The following ZC3H12C variants were observed in gnomAD, a reference collection of about 807,000 sequenced individuals.
ZC3H12C encodes the protein probable ribonuclease ZC3H12C.
Under a neutral mutation model 76.3 loss-of-function variants are expected in ZC3H12C, and 20 were observed. The observed-to-expected ratio is 0.26, with a 90% CI of 0.18 to 0.38. The LOEUF (loss-of-function observed/expected upper bound fraction) is 0.38. Among genes scored for constraint, ZC3H12C ranks in the 10% least tolerant of loss-of-function variants. ZC3H12C has a pLI of 1.00. For missense variants in ZC3H12C, 874 were observed against 1,086.5 expected, an observed-to-expected ratio of 0.80 and a Z score of 2.75; for synonymous variants, 352 against 399.6, an observed-to-expected ratio of 0.88 and a Z score of 1.42.
intron 3 of ZC3H12C, among the ~76,000 whole-genome samples, chr11:110,154,425 A>G (rs1023337280): frequency 6.6e-6 from 1 of 152,186 alleles, no homozygotes. Flanking sequence ...TGTTAAATTA[A>G]CATAAGAATG....
intron 1 of ZC3H12C, among the ~76,000 whole-genome samples, chr11:110,114,490 G>A (rs756800206): frequency 1.8e-4 from 28 of 152,174 alleles, no homozygotes; most frequent in Middle Eastern, 3.4e-3. Flanking sequence ...TGTAACCTCC[G>A]TCTTTAACTA....
intron 2 of ZC3H12C, among the ~76,000 whole-genome samples, chr11:110,147,501 G>C (rs890370916): frequency 6.6e-6 from 1 of 151,786 alleles, no homozygotes; most frequent in Non-Finnish European, 1.5e-5. Flanking sequence ...CCTAATGCTC[G>C]CGGGGCTTAA....
chr11:110,098,329 T>C (rs1433987763), intron 1 of ZC3H12C, among the ~76,000 whole-genome samples: 1 of 152,222 alleles, frequency 6.6e-6, no homozygotes. Flanking sequence ...GTACAATGTG[T>C]TTCTGTCTTA....
chr11:110,128,889 C>CAAAAAAAAAAAAAAAAAAAAAA (rs145436449), intron 1 of ZC3H12C, among the ~76,000 whole-genome samples: 1 of 94,172 alleles, frequency 1.1e-5, no homozygotes, highest in African/African-American at 3.7e-5. Context: ...CCACCACTAA[C>CAAAAAAAAAAAAAAAAAAAAAA]AAAAAAAAAA....
chr11:110,169,605 A>G lies in ZC3H12C; in HGVS notation c.*3868A>G, dbSNP rs1862640804. On this transcript the variant is annotated 3_prime_UTR_variant, in exon 6 of 6. Coordinates refer to ENST00000278590, the MANE Select transcript of ZC3H12C (RefSeq NM_033390.2). ...GAAATCAAACAGATTCTGGCTGGACATATGCTTATGTTCCAAATATATTAA... is the reference window on the plus strand; with the variant it reads ...GAAATCAAACAGATTCTGGCTGGACGTATGCTTATGTTCCAAATATATTAA... The G allele has an allele frequency of 6.6e-6, 1 of 152,206 alleles. No individual in the cohort carries two copies. The highest frequency in any genetic ancestry group is 6.5e-5 in the Admixed American group (1 of 15,274). The allele number at this position is 152,206 out of a possible 1,614,324, so 9.4% of individuals were successfully genotyped here. A position where few individuals can be genotyped will look rare whatever the true frequency, so the allele number is the denominator to read the frequency against.
At chr11:110,107,198 C>T (rs1861345195) in intron 1 of ZC3H12C, among the ~76,000 whole-genome samples, 1 of 152,160 alleles carries the variant, frequency 6.6e-6, no homozygotes, top group South Asian at 2.1e-4. Flanking sequence ...TTGAATTGAA[C>T]ATATTGTTAA....
In ZC3H12C at chr11:110,165,264, TCTC is replaced by T. The variant is rs1237553949; in HGVS notation, c.2184_2186del (p.Pro729del). ...GTCCAGCTGTCCTGGCGACTACCCC[TCTC>T]CTCCAAGTTCAGCACACTCTAAGGC... is the stretch of plus-strand genomic sequence containing the variant. On this transcript the variant is annotated inframe_deletion, in exon 6 of 6. Coordinates refer to ENST00000278590, the MANE Select transcript of ZC3H12C (RefSeq NM_033390.2). The T allele has an allele frequency of 1.4e-5, 22 of 1,613,854 alleles. No homozygotes were observed. The highest frequency in any genetic ancestry group is 1.9e-5 in the Non-Finnish European group (22 of 1,179,864).
chr11:110,164,595 G>C lies in ZC3H12C; in HGVS notation c.1510G>C (p.Glu504Gln). 1 of 1,613,998 alleles carries C rather than the reference G, an allele frequency of 6.2e-7. No individual in the cohort carries two copies. The highest frequency in any genetic ancestry group is 8.5e-7 in the Non-Finnish European group (1 of 1,179,890). The stretch of plus-strand genomic sequence containing the variant: ...AAGGACACAAGTCTACCAAGACCTA[G>C]AAGAAAAGCTTCCCACCAAAAACAA... Reference protein sequence around the residue: ...SIRTQVYQDLEEKLPTKNKLE... With the variant: ...SIRTQVYQDLQEKLPTKNKLE... Residue 504 changes from glutamate (E) to glutamine (Q), a missense_variant, in exon 6 of 6, where the codon GAA becomes CAA. Around this residue, in one of 3 missense-constraint regions of ZC3H12C, gnomAD observed 269 missense variants for 424.9 expected, o/e 0.63. Coordinates refer to ENST00000278590, the MANE Select transcript of ZC3H12C (RefSeq NM_033390.2). The surrounding 1 kb of genome is among the most constrained non-coding windows in gnomAD (Gnocchi z 5.7).
intron 2 of ZC3H12C, among the ~76,000 whole-genome samples, chr11:110,150,139 A>G (rs1262936514): frequency 2.6e-5 from 4 of 151,960 alleles, no homozygotes; most frequent in Non-Finnish European, 4.4e-5. Flanking sequence ...TTGTAATGTC[A>G]CCTTATTGCT....
chr11:110,161,221 G>C (rs1385774303), intron 4 of ZC3H12C, among the ~76,000 whole-genome samples: 1 of 152,178 alleles, frequency 6.6e-6, no homozygotes, highest in Non-Finnish European at 1.5e-5. Context: ...TGGGGGCATG[G>C]TAGCTTTGTT....
chr11:110,093,579 C>A, intron 1 of ZC3H12C, 147 bp downstream of exon 1: 1 of 530,552 alleles, frequency 1.9e-6, no homozygotes, highest in Non-Finnish European at 2.6e-6. Flanking sequence ...GATCTCCAGG[C>A]CCAGGCGGGT....
rs1053141945 is a variant in ZC3H12C, at chr11:110,153,556, T to A, written c.913+498T>A. The stretch of plus-strand genomic sequence containing the variant: ...TAATCATCACTACATAAGCCAGCTT[T>A]TTTTTTTTCTTTACTTTTGTGGAAA... On this transcript the variant is annotated intron_variant, in intron 3 of 5. Transcript: ENST00000278590. 1.2e-4 allele frequency among the ~76,000 whole-genome samples: 18 copies of A among 151,768 alleles called. No individual in the cohort carries two copies. The East Asian group carries it at 3.5e-3, about 29-fold the overall frequency.
At chr11:110,102,417 G>T (rs1861234037) in intron 1 of ZC3H12C, among the ~76,000 whole-genome samples, 4 of 151,934 alleles carry the variant, frequency 2.6e-5, no homozygotes, top group Admixed American at 2.6e-4. Context: ...GATAGCAAGA[G>T]AACTAGAATT....
chr11:110,115,012 CT>C (rs1861499251), intron 1 of ZC3H12C, among the ~76,000 whole-genome samples: 1 of 152,130 alleles, frequency 6.6e-6, no homozygotes. Context: ...CTAAATTTGT[CT>C]ATAGCCATTT....
intron 1 of ZC3H12C, among the ~76,000 whole-genome samples, chr11:110,129,203 C>T (rs1479702936): frequency 1.3e-5 from 2 of 152,082 alleles, no homozygotes; most frequent in Non-Finnish European, 2.9e-5. Context: ...AAATTTCCTA[C>T]CATTTTTAGA....
At chr11:110,159,138 CTAAT>C in intron 3 of ZC3H12C, 114 bp from the exon 4 acceptor site, 4 of 713,922 alleles carry the variant, frequency 5.6e-6, no homozygotes, top group South Asian at 4.1e-5. Flanking sequence ...ATCATAATCC[CTAAT>C]TAAAGGATTT....
chr11:110,120,714 T>G (rs1004072348), intron 1 of ZC3H12C, among the ~76,000 whole-genome samples: 8 of 152,188 alleles, frequency 5.3e-5, no homozygotes, highest in African/African-American at 1.7e-4. Flanking sequence ...AGATGGGGAA[T>G]CTGCAAATGA....
chr11:110,140,665 T>C (rs1862052399), intron 2 of ZC3H12C, among the ~76,000 whole-genome samples: 1 of 152,216 alleles, frequency 6.6e-6, no homozygotes, highest in East Asian at 1.9e-4. Context: ...TGAACCCAGG[T>C]TTCTGGGATT....
At chr11:110,098,370 G>T (rs920795447) in intron 1 of ZC3H12C, among the ~76,000 whole-genome samples, 3 of 152,220 alleles carry the variant, frequency 2.0e-5, no homozygotes, top group Admixed American at 2.0e-4. Flanking sequence ...CAGTCCAAAA[G>T]TTAAAAAATG....
Sources: allele counts gnomAD v4.1 joint callset (sites outside exome capture counted in the v4.1 genomes callset), GRCh38; gene constraint gnomAD v4.1.1; regional missense constraint gnomAD v4.1.1; non-coding constraint Gnocchi (gnomAD v3.1); transcripts MANE v1.5; gene names NCBI Gene and HGNC (gene_info 2026-07-23, HGNC 2026-07-21).